Variants in RBFOX1 observed in about 807,000 individuals in gnomAD.
The protein encoded by RBFOX1 is RNA binding fox-1 homolog 1.
Under a neutral mutation model 57.7 loss-of-function variants are expected in RBFOX1, and 8 were observed. That is an observed-to-expected ratio of 0.14 (90% CI 0.08 to 0.25). RBFOX1 has a LOEUF of 0.25. Ranked by LOEUF, RBFOX1 falls within the 10% of genes least tolerant of loss-of-function variation. The pLI, the probability that RBFOX1 is intolerant of heterozygous loss-of-function variation, is 1.00. For missense variants in RBFOX1, 611 were observed against 548.5 expected, an observed-to-expected ratio of 1.11 and a Z score of -1.14; for synonymous variants, 326 against 222.4, an observed-to-expected ratio of 1.47 and a Z score of -4.15.
intron 4 of RBFOX1, among the ~76,000 whole-genome samples, chr16:5,989,601 G>C (rs889477715): frequency 3.9e-5 from 6 of 152,080 alleles, no homozygotes; most frequent in Non-Finnish European, 8.8e-5. Context: ...GGCGATGTGG[G>C]TGGGGGCAGA....
At chr16:6,162,587 A>G (rs1314865839) in intron 1 of RBFOX1, among the ~76,000 whole-genome samples, 1 of 152,220 alleles carries the variant, frequency 6.6e-6, no homozygotes, top group East Asian at 1.9e-4. Flanking sequence ...TTCTTCCTTC[A>G]CCCAACAACA....
chr16:5,993,340 C>T (rs976317869), intron 4 of RBFOX1, among the ~76,000 whole-genome samples: 4 of 132,948 alleles, frequency 3.0e-5, no homozygotes, highest in Admixed American at 2.4e-4. Flanking sequence ...TAATGCTGTA[C>T]GTGTGTGTGT....
At chr16:6,009,533 A>G (rs1237027628) in intron 4 of RBFOX1, among the ~76,000 whole-genome samples, 1 of 152,144 alleles carries the variant, frequency 6.6e-6, no homozygotes, top group East Asian at 1.9e-4. Context: ...ATACCTGTAG[A>G]TTTTAATATA....
At chr16:6,073,243 C>G (rs757620212) in intron 1 of RBFOX1, among the ~76,000 whole-genome samples, 23 of 152,152 alleles carry the variant, frequency 1.5e-4, no homozygotes, top group Admixed American at 3.9e-4. Flanking sequence ...TCACAGCATG[C>G]ATATTTAAGA....
intron 3 of RBFOX1, among the ~76,000 whole-genome samples, chr16:6,744,678 G>A (rs150697604): frequency 0.01 from 1,552 of 152,098 alleles, 14 homozygotes; most frequent in Middle Eastern, 0.037. Flanking sequence ...CAGATTTTGC[G>A]TAGTGTTATT....
intron 3 of RBFOX1, among the ~76,000 whole-genome samples, chr16:6,679,402 C>T (rs551270494): frequency 3.4e-4 from 51 of 152,228 alleles, no homozygotes; most frequent in African/African-American, 1.2e-3. Context: ...AAAGGGGAGA[C>T]TTCTCCATGC....
At chr16:7,397,510 T>C (rs370407708) in intron 4 of RBFOX1, among the ~76,000 whole-genome samples, 1 of 152,098 alleles carries the variant, frequency 6.6e-6, no homozygotes, top group Non-Finnish European at 1.5e-5. Flanking sequence ...AAGAACCCAC[T>C]GGTGACAGAG....
At chr16:5,386,944 A>G in intron 1 of RBFOX1, among the ~76,000 whole-genome samples, 1 of 152,198 alleles carries the variant, frequency 6.6e-6, no homozygotes, top group East Asian at 1.9e-4. Flanking sequence ...CCAGCTACTC[A>G]GGAGGCTGAG....
intron 4 of RBFOX1, among the ~76,000 whole-genome samples, chr16:5,910,216 G>T (rs2152207941): frequency 6.6e-6 from 1 of 152,206 alleles, no homozygotes. Flanking sequence ...GAATGAGAAG[G>T]GAACTAAAGT....
chr16:7,405,020 T>C (rs2148909949), intron 4 of RBFOX1, among the ~76,000 whole-genome samples: 1 of 152,324 alleles, frequency 6.6e-6, no homozygotes, highest in African/African-American at 2.4e-5. Flanking sequence ...ACAAAGGGTA[T>C]TATTTCGGTT....
intron 3 of RBFOX1, among the ~76,000 whole-genome samples, chr16:7,021,954 TTC>T (rs1157412212): frequency 5.8e-5 from 8 of 138,144 alleles, no homozygotes; most frequent in Admixed American, 2.2e-4. Flanking sequence ...TTTCTTTTCT[TTC>T]TCTCTCTCTC....
chr16:6,435,289 G>T (rs2094202603), intron 2 of RBFOX1, among the ~76,000 whole-genome samples: 1 of 137,538 alleles, frequency 7.3e-6, no homozygotes, highest in African/African-American at 2.9e-5. Context: ...TGTTGTTATT[G>T]TTGTTGTTTT....
intron 2 of RBFOX1, among the ~76,000 whole-genome samples, chr16:6,643,863 T>C (rs1195447995): frequency 6.6e-6 from 1 of 152,062 alleles, no homozygotes; most frequent in East Asian, 1.9e-4. Context: ...CGCTGGGTCA[T>C]GCCTGTAATC....
intron 3 of RBFOX1, among the ~76,000 whole-genome samples, chr16:6,668,698 A>G (rs993800519): frequency 5.3e-5 from 8 of 152,138 alleles, no homozygotes; most frequent in Non-Finnish European, 1.0e-4. Context: ...TTTGTCTATG[A>G]TGATATTTGT....
At chr16:5,766,064 T>C (rs2053766214) in intron 3 of RBFOX1, among the ~76,000 whole-genome samples, 1 of 152,186 alleles carries the variant, frequency 6.6e-6, no homozygotes, top group Admixed American at 6.5e-5. Flanking sequence ...GAGCAGCCAA[T>C]AGCTCAGAGT....
chr16:5,719,501 C>T (rs989442928), intron 3 of RBFOX1, among the ~76,000 whole-genome samples: 1 of 151,908 alleles, frequency 6.6e-6, no homozygotes, highest in Non-Finnish European at 1.5e-5. Flanking sequence ...TGAGCCACTG[C>T]CCTAGAATTT....
chr16:6,783,397 T>A (rs1380002226), intron 3 of RBFOX1, among the ~76,000 whole-genome samples: 6 of 150,680 alleles, frequency 4.0e-5, no homozygotes, highest in Admixed American at 1.3e-4. Flanking sequence ...AATTTTTTTG[T>A]GTCCCTGTTA....
In RBFOX1 at chr16:7,569,906, C is replaced by T. The variant is rs190288153; in HGVS notation, c.271-9871C>T. Among the ~76,000 whole-genome samples the T allele has an allele frequency of 2.1e-3, 318 of 152,232 alleles. 5 individuals carry two copies. The highest frequency in any genetic ancestry group is 0.017 in the Admixed American group (257 of 15,292). Reference sequence around the variant, plus strand: ...AATACAGCTAGTGAACTTGATTTAACTTCAATTTGAATGTAAGTACTGATA... The same window carrying T: ...AATACAGCTAGTGAACTTGATTTAATTTCAATTTGAATGTAAGTACTGATA... On this transcript the variant is annotated intron_variant, in intron 5 of 15. Transcript: ENST00000550418.
intron 3 of RBFOX1, among the ~76,000 whole-genome samples, chr16:6,918,349 G>A (rs184184986): frequency 1.4e-4 from 21 of 151,812 alleles, no homozygotes; most frequent in Admixed American, 1.2e-3. Context: ...AGACCACTGG[G>A]CTTGGTGCCA....
Sources: gnomAD v4.1 joint callset for allele counts (sites outside exome capture counted in the v4.1 genomes callset) on GRCh38, gnomAD v4.1.1 for gene constraint, MANE v1.5 for transcripts, NCBI Gene and HGNC (gene_info 2026-07-23, HGNC 2026-07-21) for gene names.